Variants in ADARB2 observed in about 807,000 individuals in gnomAD.
The protein encoded by ADARB2 is adenosine deaminase RNA specific B2 (inactive), also known as inactive double-stranded RNA-specific editase B2.
ADARB2 carries 25 observed loss-of-function variants against 62.2 expected under a neutral mutation model. The ratio of observed to expected loss-of-function variants is 0.40; its 90% CI spans 0.29 to 0.56. ADARB2 has a LOEUF of 0.56. Among genes scored for constraint, ADARB2 ranks in the 20% least tolerant of loss-of-function variants. The pLI, the probability that ADARB2 is intolerant of heterozygous loss-of-function variation, is 0.43. For synonymous variants in ADARB2, 572 were observed against 500.8 expected (o/e 1.14, Z -1.90); for missense variants, 1,071 against 1,077.4 (o/e 0.99, Z 0.08).
At chr10:1,407,355 C>T (rs1365928005) in intron 1 of ADARB2, among the ~76,000 whole-genome samples, 2 of 152,212 alleles carry the variant, frequency 1.3e-5, no homozygotes, top group African/African-American at 4.8e-5. Flanking sequence ...TCTCCGGCGT[C>T]CTTCTGAGCC....
At chr10:1,570,216 G>A (rs994832508) in intron 1 of ADARB2, among the ~76,000 whole-genome samples, 2 of 152,192 alleles carry the variant, frequency 1.3e-5, no homozygotes, top group African/African-American at 4.8e-5. Flanking sequence ...GAAGTTGAGT[G>A]TGCCACTATT....
At chr10:1,420,889 G>A (rs1832846902) in intron 1 of ADARB2, among the ~76,000 whole-genome samples, 1 of 152,170 alleles carries the variant, frequency 6.6e-6, no homozygotes. Flanking sequence ...ACACACCCCG[G>A]AGCAAACCGG....
intron 1 of ADARB2, chr10:1,556,639 C>T (rs1489507029): frequency 1.9e-6 from 1 of 531,614 alleles, no homozygotes; most frequent in Admixed American, 2.0e-5. Flanking sequence ...TGTCTGTTCT[C>T]ACATCACATT....
At chr10:1,284,497 G>T (rs1244430005) in intron 3 of ADARB2, among the ~76,000 whole-genome samples, 1 of 152,174 alleles carries the variant, frequency 6.6e-6, no homozygotes, top group Non-Finnish European at 1.5e-5. Context: ...CCACAGCACG[G>T]GTAGCACCCT....
intron 1 of ADARB2, among the ~76,000 whole-genome samples, chr10:1,515,905 C>G (rs1448896717): frequency 6.6e-6 from 1 of 152,254 alleles, no homozygotes; most frequent in Non-Finnish European, 1.5e-5. Context: ...GACAGTGCCA[C>G]TATCACCTCT....
At chr10:1,678,525 C>G (rs1241016304) in intron 1 of ADARB2, among the ~76,000 whole-genome samples, 1 of 152,040 alleles carries the variant, frequency 6.6e-6, no homozygotes, top group African/African-American at 2.4e-5. Flanking sequence ...TTCTCACCTG[C>G]TGGCTCTCTC....
chr10:1,459,941 C>CAAACCTGCCTGTGACCTCA (rs1564295491), intron 1 of ADARB2, among the ~76,000 whole-genome samples: 1 of 112,490 alleles, frequency 8.9e-6, no homozygotes, highest in South Asian at 3.1e-4. Context: ...AGTTTACCTG[C>CAAACCTGCCTGTGACCTCA]GTTACGAACC....
At chr10:1,377,709 A>G (rs921992487) in intron 2 of ADARB2, among the ~76,000 whole-genome samples, 1 of 152,050 alleles carries the variant, frequency 6.6e-6, no homozygotes, top group African/African-American at 2.4e-5. Context: ...GAGAGGGAGC[A>G]CAGAGTCTGG....
intron 1 of ADARB2, among the ~76,000 whole-genome samples, chr10:1,510,027 CTCTT>C (rs10567053): frequency 0.13 from 20,204 of 150,068 alleles, 1,574 homozygotes; most frequent in East Asian, 0.19. Flanking sequence ...TTTCTTTTTT[CTCTT>C]TCTTTCTTTT....
At chr10:1,696,772 C>T (rs943504501) in intron 1 of ADARB2, among the ~76,000 whole-genome samples, 7 of 152,168 alleles carry the variant, frequency 4.6e-5, no homozygotes, top group Admixed American at 6.5e-5. Flanking sequence ...TGCAAAGAGG[C>T]TAGAGGCTGT....
At chr10:1,547,041 G>A (rs776400095) in intron 1 of ADARB2, among the ~76,000 whole-genome samples, 17 of 152,248 alleles carry the variant, frequency 1.1e-4, no homozygotes, top group African/African-American at 3.6e-4. Flanking sequence ...GCCATTCGTC[G>A]AGAGCGGGAC....
At chr10:1,348,530 G>T (rs959340086) in intron 3 of ADARB2, among the ~76,000 whole-genome samples, 10 of 152,180 alleles carry the variant, frequency 6.6e-5, no homozygotes, top group Non-Finnish European at 2.9e-5. Context: ...GCCGGGAGGT[G>T]CCTCCCTCGG....
intron 5 of ADARB2, among the ~76,000 whole-genome samples, chr10:1,234,377 C>G (rs575219269): frequency 1.3e-5 from 2 of 152,142 alleles, no homozygotes; most frequent in African/African-American, 2.4e-5. Context: ...TACGTGAATG[C>G]GAACATGACT....
chr10:1,543,782 G>T (rs561292934), intron 1 of ADARB2, among the ~76,000 whole-genome samples: 1 of 152,164 alleles, frequency 6.6e-6, no homozygotes, highest in African/African-American at 2.4e-5. Flanking sequence ...CCCTGTGAAG[G>T]GGCAGCGCTG....
At chr10:1,358,120 A>C (rs1462776314) in intron 3 of ADARB2, among the ~76,000 whole-genome samples, 1 of 152,246 alleles carries the variant, frequency 6.6e-6, no homozygotes, top group African/African-American at 2.4e-5. Flanking sequence ...TGGGCATCAA[A>C]GAAGTGGCTT....
At chr10:1,578,814 C>A (rs542174567) in intron 1 of ADARB2, among the ~76,000 whole-genome samples, 1 of 152,172 alleles carries the variant, frequency 6.6e-6, no homozygotes, top group East Asian at 1.9e-4. Context: ...TGCACACACA[C>A]GCATATACAC....
intron 8 of ADARB2, among the ~76,000 whole-genome samples, chr10:1,189,828 A>T (rs1182970893): frequency 2.4e-5 from 2 of 82,696 alleles, no homozygotes; most frequent in East Asian, 3.4e-4. Context: ...CTTCCCCAGA[A>T]CACGTGGCGC....
intron 1 of ADARB2, among the ~76,000 whole-genome samples, chr10:1,450,695 A>G (rs1358181418): frequency 6.6e-6 from 1 of 152,192 alleles, no homozygotes. Context: ...CATGGCAGGG[A>G]ACATGGGTGA....
At chr10:1,572,217 G>A (rs1339038357) in intron 1 of ADARB2, among the ~76,000 whole-genome samples, 5 of 150,524 alleles carry the variant, frequency 3.3e-5, no homozygotes, top group Non-Finnish European at 7.4e-5. Flanking sequence ...GCAGGTGAGT[G>A]TACAAGTGAG....
Sources: gnomAD v4.1 joint callset for allele counts (sites outside exome capture counted in the v4.1 genomes callset) on GRCh38, gnomAD v4.1.1 for gene constraint, MANE v1.5 for transcripts, NCBI Gene and HGNC (gene_info 2026-07-23, HGNC 2026-07-21) for gene names.